ZNF362: variants seen among roughly 807,000 people sequenced by gnomAD.
The protein encoded by ZNF362 is zinc finger protein 362.
A neutral mutation model predicts 42.9 loss-of-function variants in ZNF362; 11 were observed. That is an observed-to-expected ratio of 0.26 (90% confidence interval 0.16 to 0.42). ZNF362 has a LOEUF of 0.42. ZNF362 is among the 20% of genes least tolerant of loss of function. The pLI is 1.00. For synonymous variants in ZNF362, 255 were observed against 257.3 expected, an observed-to-expected ratio of 0.99 and a Z score of 0.09; for missense variants, 362 against 576.2, an observed-to-expected ratio of 0.63 and a Z score of 3.81.
the ZNF362 span, among the ~76,000 whole-genome samples, chr1:33,157,971 G>A: frequency 6.6e-6 from 1 of 152,092 alleles, no homozygotes; most frequent in Non-Finnish European, 1.5e-5. Context: ...TGACCAGGCT[G>A]GTCTCGAACT....
In ZNF362 at chr1:33,298,867, C is replaced by T; in HGVS notation, c.1147-63C>T. The T allele has an allele frequency of 2.1e-6, 3 of 1,443,054 alleles. No individual in the cohort carries two copies. The South Asian group carries it at 3.4e-5, about 16-fold the overall frequency. 89.4% of individuals were successfully genotyped at this position (1,443,054 alleles called of 1,614,324 possible). On this transcript the variant is annotated intron_variant, in intron 8 of 8. Coordinates refer to ENST00000539719, the MANE Select transcript of ZNF362 (RefSeq NM_152493.3). ...GCCCTCCAGTGGCTGCTGGTGGGAACTGCAGCCTCTTCTCCCTCCCTTGCT... is the reference window on the plus strand; with the variant it reads ...GCCCTCCAGTGGCTGCTGGTGGGAATTGCAGCCTCTTCTCCCTCCCTTGCT...
At chr1:33,215,238 G>C in the ZNF362 span, among the ~76,000 whole-genome samples, 2 of 152,110 alleles carry the variant, frequency 1.3e-5, no homozygotes, top group Admixed American at 1.3e-4. Context: ...AAATAAGCCA[G>C]GCACAGAAAG....
At chr1:33,279,747 A>G (rs908564673) in intron 4 of ZNF362, among the ~76,000 whole-genome samples, 1 of 152,036 alleles carries the variant, frequency 6.6e-6, no homozygotes, top group Non-Finnish European at 1.5e-5. Flanking sequence ...GTTTGCTTAA[A>G]CAAACATAAC....
the ZNF362 span, among the ~76,000 whole-genome samples, chr1:33,245,944 A>G: frequency 2.0e-5 from 3 of 151,818 alleles, no homozygotes; most frequent in African/African-American, 7.3e-5. Context: ...TATCTCAAAC[A>G]GAGAGAGAGA....
At chr1:33,147,485 G>A in the ZNF362 span, 2 of 1,613,264 alleles carry the variant, frequency 1.2e-6, no homozygotes, top group African/African-American at 1.3e-5. The surrounding 1 kb of genome is among the most constrained non-coding windows in gnomAD (Gnocchi z 8.1). Context: ...CTGCCCTTGC[G>A]GCTTGCGGCT....
chr1:33,137,617 C>T, the ZNF362 span, among the ~76,000 whole-genome samples: 1 of 152,092 alleles, frequency 6.6e-6, no homozygotes, highest in East Asian at 1.9e-4. Flanking sequence ...GGGATCTTGC[C>T]CAACATCACA....
chr1:33,139,335 A>C, the ZNF362 span, among the ~76,000 whole-genome samples: 1 of 152,168 alleles, frequency 6.6e-6, no homozygotes, highest in Admixed American at 6.5e-5. Context: ...GCTACTTTTC[A>C]GCCAGAAAAC....
the ZNF362 span, among the ~76,000 whole-genome samples, chr1:33,250,698 T>G: frequency 6.7e-6 from 1 of 149,658 alleles, no homozygotes; most frequent in Admixed American, 6.7e-5. Context: ...CATTTACCTA[T>G]GTAACAAATC....
chr1:33,181,691 G>A, the ZNF362 span: 2 of 553,904 alleles, frequency 3.6e-6, no homozygotes, highest in Non-Finnish European at 6.1e-6. The surrounding 1 kb of genome is among the most constrained non-coding windows in gnomAD (Gnocchi z 6.5). Flanking sequence ...TGGGCGCTGG[G>A]AGGAGGCTGT....
the ZNF362 span, among the ~76,000 whole-genome samples, chr1:33,171,255 CTG>C: frequency 5.3e-5 from 8 of 152,232 alleles, no homozygotes; most frequent in African/African-American, 1.9e-4. Flanking sequence ...AGGAAGGACA[CTG>C]GTAACGGCAG....
At chr1:33,173,483 CT>C in the ZNF362 span, among the ~76,000 whole-genome samples, 1 of 152,042 alleles carries the variant, frequency 6.6e-6, no homozygotes, top group Non-Finnish European at 1.5e-5. Flanking sequence ...ATTCAAAGCC[CT>C]TCCTGAGCTG....
the ZNF362 span, among the ~76,000 whole-genome samples, chr1:33,132,252 G>T: frequency 1.3e-5 from 2 of 152,244 alleles, no homozygotes; most frequent in Non-Finnish European, 2.9e-5. Flanking sequence ...GAGCTCTCCA[G>T]TCTCTAGGGG....
chr1:33,189,475 C>T, the ZNF362 span, among the ~76,000 whole-genome samples: 1 of 151,428 alleles, frequency 6.6e-6, no homozygotes, highest in Non-Finnish European at 1.5e-5. Context: ...CAATGGGAAA[C>T]TCTGGCTATA....
At chr1:33,269,468 T>C (rs1645886641) in intron 1 of ZNF362, among the ~76,000 whole-genome samples, 1 of 152,134 alleles carries the variant, frequency 6.6e-6, no homozygotes, top group Non-Finnish European at 1.5e-5. Context: ...AGTGTCCGGA[T>C]AGTTTTGGGT....
chr1:33,295,059 C>T (rs763688504), intron 7 of ZNF362, 44 bp downstream of exon 7: 26 of 1,610,104 alleles, frequency 1.6e-5, no homozygotes, highest in African/African-American at 4.0e-5. Flanking sequence ...CTCTGGTGCC[C>T]CCCCACCCAC....
At chr1:33,262,196 G>T (rs992312203) in intron 1 of ZNF362, among the ~76,000 whole-genome samples, 1 of 151,610 alleles carries the variant, frequency 6.6e-6, no homozygotes, top group East Asian at 1.9e-4. Context: ...AAGGGGTCCT[G>T]CCTTGTTCCC....
the ZNF362 span, among the ~76,000 whole-genome samples, chr1:33,173,414 T>G: frequency 6.6e-6 from 1 of 152,206 alleles, no homozygotes; most frequent in Non-Finnish European, 1.5e-5. Context: ...TGTGAGCTTG[T>G]GTGCGCATGC....
the ZNF362 span, among the ~76,000 whole-genome samples, chr1:33,193,004 C>CACACACATATATAT: frequency 2.2e-5 from 3 of 137,202 alleles, no homozygotes; most frequent in Non-Finnish European, 4.7e-5. Context: ...CACACACACA[C>CACACACATATATAT]ATATATATAT....
chr1:33,196,021 A>G, the ZNF362 span: 1 of 152,126 alleles, frequency 6.6e-6, no homozygotes, highest in Non-Finnish European at 1.5e-5. Flanking sequence ...TCCTTATTCT[A>G]TAAGCCTTTT....
Sources: gnomAD v4.1 joint callset for allele counts (sites outside exome capture counted in the v4.1 genomes callset) on GRCh38, gnomAD v4.1.1 for gene constraint, Gnocchi (gnomAD v3.1) non-coding constraint, MANE v1.5 for transcripts, NCBI Gene and HGNC (gene_info 2026-07-23, HGNC 2026-07-21) for gene names.